Variants in SLC24A3 observed in about 807,000 individuals in gnomAD.
SLC24A3 encodes solute carrier family 24 member 3, also known as sodium/potassium/calcium exchanger 3.
SLC24A3 carries 28 observed loss-of-function variants against 75.8 expected under a neutral mutation model. The ratio of observed to expected loss-of-function variants is 0.37; its 90% CI spans 0.27 to 0.51. The LOEUF is 0.51. Ranked by LOEUF, SLC24A3 falls within the 20% of genes least tolerant of loss-of-function variation. The pLI, the probability that SLC24A3 is intolerant of heterozygous loss-of-function variation, is 0.94. For missense variants in SLC24A3, 663 were observed against 847.8 expected (o/e 0.78, Z 2.71); for synonymous variants, 372 against 334.1 (o/e 1.11, Z -1.24).
At chr20:19,693,167 G>GT in intron 12 of SLC24A3, 92 bp from the exon 13 acceptor site, 2 of 1,362,352 alleles carry the variant, frequency 1.5e-6, no homozygotes, top group Non-Finnish European at 2.0e-6. Flanking sequence ...GGGGAAAGCA[G>GT]TACAGACACT....
chr20:19,233,906 G>A (rs1247524843), intron 1 of SLC24A3, among the ~76,000 whole-genome samples: 1 of 152,174 alleles, frequency 6.6e-6, no homozygotes, highest in African/African-American at 2.4e-5. Flanking sequence ...ATGCTAAATT[G>A]TCTTTATATT....
chr20:19,554,103 C>A (rs1484984750), intron 3 of SLC24A3, among the ~76,000 whole-genome samples: 1 of 152,120 alleles, frequency 6.6e-6, no homozygotes, highest in East Asian at 1.9e-4. Flanking sequence ...TGGTGGCCAG[C>A]AGGCATGGAT....
At chr20:19,504,448 A>C (rs1023472928) in intron 2 of SLC24A3, among the ~76,000 whole-genome samples, 3 of 152,240 alleles carry the variant, frequency 2.0e-5, no homozygotes, top group African/African-American at 7.2e-5. Context: ...AGATTCCTGT[A>C]GGGAATTACT....
At chr20:19,283,613 C>A (rs1326821206) in intron 2 of SLC24A3, among the ~76,000 whole-genome samples, 1 of 152,128 alleles carries the variant, frequency 6.6e-6, no homozygotes, top group Admixed American at 6.5e-5. Flanking sequence ...GGGTGTAGAG[C>A]AAATATGTAA....
chr20:19,449,748 C>G (rs1408870264), intron 2 of SLC24A3, among the ~76,000 whole-genome samples: 1 of 152,166 alleles, frequency 6.6e-6, no homozygotes, highest in Non-Finnish European at 1.5e-5. Context: ...GAATAACTTG[C>G]TACAGTAAGT....
intron 2 of SLC24A3, among the ~76,000 whole-genome samples, chr20:19,435,875 T>A (rs773264756): frequency 9.9e-5 from 15 of 152,152 alleles, no homozygotes; most frequent in Non-Finnish European, 1.8e-4. Flanking sequence ...CCCAAACTGG[T>A]TCCAAGAATG....
At chr20:19,328,406 A>C (rs1246477191) in intron 2 of SLC24A3, among the ~76,000 whole-genome samples, 1 of 152,190 alleles carries the variant, frequency 6.6e-6, no homozygotes, top group Non-Finnish European at 1.5e-5. Context: ...GTAGTGGGCA[A>C]GAGTGGAAGG....
chr20:19,414,991 C>T (rs1015031), intron 2 of SLC24A3, among the ~76,000 whole-genome samples: 84,012 of 152,064 alleles, frequency 0.55, 23,960 homozygotes, highest in East Asian at 0.91. Context: ...TTTATTTTTA[C>T]AGCCTTATAG....
intron 2 of SLC24A3, among the ~76,000 whole-genome samples, chr20:19,488,439 G>A (rs1378247291): frequency 6.6e-6 from 1 of 152,200 alleles, no homozygotes; most frequent in Non-Finnish European, 1.5e-5. Context: ...GTGAGGTTCT[G>A]TTCTCCCTCA....
At chr20:19,299,496 AAG>A (rs1343593169) in intron 2 of SLC24A3, among the ~76,000 whole-genome samples, 5 of 152,236 alleles carry the variant, frequency 3.3e-5, no homozygotes, top group Non-Finnish European at 5.9e-5. Flanking sequence ...TTTTTTAAAA[AAG>A]AGAGCCAATA....
intron 2 of SLC24A3, among the ~76,000 whole-genome samples, chr20:19,424,761 A>T (rs28525637): frequency 7.0e-6 from 1 of 143,198 alleles, no homozygotes; most frequent in African/African-American, 2.6e-5. Flanking sequence ...AAAAAAAAAA[A>T]AAAAAAAAAA....
chr20:19,220,804 A>G (rs1019224093), intron 1 of SLC24A3, among the ~76,000 whole-genome samples: 5 of 152,312 alleles, frequency 3.3e-5, no homozygotes, highest in African/African-American at 9.6e-5. Flanking sequence ...TCATGCTCCC[A>G]GTTGTGGCCT....
intron 3 of SLC24A3, among the ~76,000 whole-genome samples, chr20:19,516,921 G>A (rs2030003848): frequency 6.6e-6 from 1 of 152,194 alleles, no homozygotes; most frequent in Admixed American, 6.5e-5. Context: ...CTTGCTTTAT[G>A]TGTCACTTCT....
intron 2 of SLC24A3, among the ~76,000 whole-genome samples, chr20:19,298,552 A>C (rs1415450912): frequency 6.6e-6 from 1 of 152,192 alleles, no homozygotes; most frequent in East Asian, 1.9e-4. Flanking sequence ...TGATCCCAGG[A>C]AACAACAGTA....
chr20:19,701,301 A>G (rs2032869280), intron 15 of SLC24A3, among the ~76,000 whole-genome samples: 1 of 152,152 alleles, frequency 6.6e-6, no homozygotes, highest in African/African-American at 2.4e-5. Flanking sequence ...GTCCAGGCTG[A>G]GACACGAGGG....
intron 3 of SLC24A3, among the ~76,000 whole-genome samples, chr20:19,532,043 C>T (rs1449727012): frequency 6.6e-6 from 1 of 152,200 alleles, no homozygotes. Flanking sequence ...GGCTATGGGG[C>T]TCCAGTGTTC....
intron 1 of SLC24A3, among the ~76,000 whole-genome samples, chr20:19,219,911 G>T (rs1212083561): frequency 1.3e-5 from 2 of 152,210 alleles, no homozygotes; most frequent in East Asian, 1.9e-4. Flanking sequence ...CACTGCGGGG[G>T]ACCATCATCA....
chr20:19,648,130 A>C (rs1337444611), intron 6 of SLC24A3, among the ~76,000 whole-genome samples: 1 of 152,192 alleles, frequency 6.6e-6, no homozygotes, highest in African/African-American at 2.4e-5. Context: ...AGTGTACTTC[A>C]TGAGCAGACA....
chr20:19,425,943 G>A (rs893355496), intron 2 of SLC24A3, among the ~76,000 whole-genome samples: 2 of 152,106 alleles, frequency 1.3e-5, no homozygotes, highest in Non-Finnish European at 2.9e-5. Context: ...CTAACTTTGT[G>A]CTTTCTTGCC....
Sources: gnomAD v4.1 joint callset for allele counts (sites outside exome capture counted in the v4.1 genomes callset) on GRCh38, gnomAD v4.1.1 for gene constraint, MANE v1.5 for transcripts, NCBI Gene and HGNC (gene_info 2026-07-23, HGNC 2026-07-21) for gene names.